Variants in KHDRBS2 observed in about 807,000 individuals in gnomAD.
KHDRBS2 encodes the protein KH RNA binding domain containing, signal transduction associated 2, also known as KH domain-containing, RNA-binding, signal transduction-associated protein 2.
In KHDRBS2, 26 loss-of-function variants were observed where a neutral mutation model predicts 44.3. That is an observed-to-expected ratio of 0.59 (90% confidence interval 0.43 to 0.81). The LOEUF (loss-of-function observed/expected upper bound fraction) is 0.81. KHDRBS2 is among the 40% of genes least tolerant of loss of function. KHDRBS2 has a pLI of 0.00. For missense variants in KHDRBS2, 476 were observed against 433.1 expected (o/e 1.10, Z -0.88); for synonymous variants, 194 against 151.1 (o/e 1.28, Z -2.08).
chr6:62,011,711 T>C (rs1780325093), intron 3 of KHDRBS2, among the ~76,000 whole-genome samples: 1 of 152,164 alleles, frequency 6.6e-6, no homozygotes, highest in African/African-American at 2.4e-5. Flanking sequence ...TTTTTTATGA[T>C]TTTTGTGACT....
intron 4 of KHDRBS2, among the ~76,000 whole-genome samples, chr6:61,904,064 C>G (rs1234024195): frequency 6.6e-6 from 1 of 152,148 alleles, no homozygotes; most frequent in Non-Finnish European, 1.5e-5. Context: ...CAGAGGGGAC[C>G]AGTCAGCATG....
intron 1 of KHDRBS2, among the ~76,000 whole-genome samples, chr6:62,198,312 C>T (rs1338553427): frequency 2.0e-5 from 3 of 151,252 alleles, no homozygotes; most frequent in African/African-American, 7.3e-5. Context: ...TTTTTTGAAA[C>T]GATCAACAAA....
intron 4 of KHDRBS2, among the ~76,000 whole-genome samples, chr6:61,952,428 C>T (rs1014680731): frequency 5.3e-5 from 8 of 151,984 alleles, no homozygotes; most frequent in African/African-American, 1.9e-4. Context: ...TTTAGTTTCC[C>T]AGTTTGGACA....
At chr6:62,081,040 G>C (rs559159363) in intron 2 of KHDRBS2, among the ~76,000 whole-genome samples, 1 of 152,026 alleles carries the variant, frequency 6.6e-6, no homozygotes, top group Non-Finnish European at 1.5e-5. Flanking sequence ...CTGACCATAC[G>C]TTATAGATAT....
chr6:61,966,952 C>T (rs982426922), intron 4 of KHDRBS2, among the ~76,000 whole-genome samples: 3 of 151,372 alleles, frequency 2.0e-5, no homozygotes, highest in African/African-American at 7.3e-5. Context: ...AACATTCAGT[C>T]GATTTATTTT....
At chr6:61,955,251 T>C (rs1482632899) in intron 4 of KHDRBS2, among the ~76,000 whole-genome samples, 2 of 146,000 alleles carry the variant, frequency 1.4e-5, no homozygotes, top group Non-Finnish European at 3.0e-5. Flanking sequence ...TATGTATACA[T>C]ATATATGTAT....
At chr6:61,715,510 T>C (rs1328809245) in intron 7 of KHDRBS2, among the ~76,000 whole-genome samples, 2 of 151,968 alleles carry the variant, frequency 1.3e-5, no homozygotes, top group African/African-American at 4.8e-5. Context: ...CATTTCTTTG[T>C]CTTTGCAAGT....
chr6:62,268,197 G>C (rs1839511144), intron 1 of KHDRBS2, among the ~76,000 whole-genome samples: 1 of 151,870 alleles, frequency 6.6e-6, no homozygotes, highest in Admixed American at 6.6e-5. Flanking sequence ...TTGCTTTTGG[G>C]GGTAGTAGCT....
chr6:62,001,477 A>G (rs1401447209), intron 3 of KHDRBS2, among the ~76,000 whole-genome samples: 1 of 152,094 alleles, frequency 6.6e-6, no homozygotes, highest in African/African-American at 2.4e-5. Flanking sequence ...TTTCAAAATA[A>G]CAGATACTTT....
At chr6:61,750,339 A>C (rs1777479415) in intron 6 of KHDRBS2, among the ~76,000 whole-genome samples, 1 of 152,206 alleles carries the variant, frequency 6.6e-6, no homozygotes, top group African/African-American at 2.4e-5. Flanking sequence ...TCGTGCTTAT[A>C]CAAAGACTGG....
chr6:61,585,873 T>C, the KHDRBS2 span, among the ~76,000 whole-genome samples: 1 of 152,154 alleles, frequency 6.6e-6, no homozygotes, highest in African/African-American at 2.4e-5. Flanking sequence ...TGATATCCAA[T>C]TAATTCAATT....
chr6:61,917,679 T>C (rs972451379), intron 4 of KHDRBS2, among the ~76,000 whole-genome samples: 3 of 151,948 alleles, frequency 2.0e-5, no homozygotes, highest in Non-Finnish European at 4.4e-5. Flanking sequence ...ACTGATATTG[T>C]AACAACTATA....
At chr6:61,721,096 C>T (rs1005443955) in intron 7 of KHDRBS2, among the ~76,000 whole-genome samples, 7 of 151,554 alleles carry the variant, frequency 4.6e-5, no homozygotes, top group South Asian at 2.1e-4. Context: ...TGTGGATATG[C>T]GGCATTATTT....
intron 6 of KHDRBS2, among the ~76,000 whole-genome samples, chr6:61,845,460 C>A (rs542813017): frequency 6.6e-6 from 1 of 152,246 alleles, no homozygotes; most frequent in East Asian, 1.9e-4. Context: ...CAGGTGCATG[C>A]CACTACGCCC....
At chr6:61,862,096 A>G (rs1234971327) in intron 6 of KHDRBS2, among the ~76,000 whole-genome samples, 1 of 152,010 alleles carries the variant, frequency 6.6e-6, no homozygotes. Flanking sequence ...TTGCTTATCA[A>G]CTTAAGAAGT....
the KHDRBS2 span, among the ~76,000 whole-genome samples, chr6:61,559,388 T>C: frequency 3.3e-5 from 5 of 151,942 alleles, no homozygotes; most frequent in African/African-American, 1.2e-4. Flanking sequence ...CTATGTCTTT[T>C]AATTGGAGAG....
At chr6:61,595,006 AC>A in the KHDRBS2 span, among the ~76,000 whole-genome samples, 4 of 152,092 alleles carry the variant, frequency 2.6e-5, no homozygotes, top group Non-Finnish European at 5.9e-5. Context: ...AAAAGACATA[AC>A]AAAATCAGCA....
chr6:62,137,385 A>G (rs1306541791), intron 2 of KHDRBS2, among the ~76,000 whole-genome samples: 1 of 152,168 alleles, frequency 6.6e-6, no homozygotes, highest in African/African-American at 2.4e-5. Context: ...TAGACATGCC[A>G]GACATCTGGG....
At chr6:61,547,636 C>T in the KHDRBS2 span, among the ~76,000 whole-genome samples, 364 of 152,052 alleles carry the variant, frequency 2.4e-3, 1 homozygote, top group African/African-American at 8.0e-3. Context: ...TGCATCACTT[C>T]GAGAGTTTGA....
Sources: allele counts gnomAD v4.1 joint callset (sites outside exome capture counted in the v4.1 genomes callset), GRCh38; gene constraint gnomAD v4.1.1; transcripts MANE v1.5; gene names NCBI Gene and HGNC (gene_info 2026-07-23, HGNC 2026-07-21).